RPSA2: variants seen among roughly 807,000 people sequenced by gnomAD.
RPSA2 encodes small ribosomal subunit protein uS2B.
the RPSA2 span, among the ~76,000 whole-genome samples, chr19:23,855,941 C>T: frequency 6.6e-6 from 1 of 152,082 alleles, no homozygotes; most frequent in Non-Finnish European, 1.5e-5. Context: ...TGGTCCTGGG[C>T]TGTCTGTGTC....
the RPSA2 span, chr19:23,808,665 T>G: frequency 2.0e-6 from 1 of 503,792 alleles, no homozygotes; most frequent in Admixed American, 2.3e-5. Context: ...CATTACTAAG[T>G]TGGTAATTGG....
At chr19:23,761,906 T>TCTCTCTCTCTCTCTCTCTCTCTC in the RPSA2 span, among the ~76,000 whole-genome samples, 49 of 92,090 alleles carry the variant, frequency 5.3e-4, 11 homozygotes, top group Admixed American at 9.7e-4. Context: ...ACGTAATTCT[T>TCTCTCTCTCTCTCTCTCTCTCTC]TCTTTCTTTC....
At chr19:23,793,176 C>T in the RPSA2 span, among the ~76,000 whole-genome samples, 1 of 148,696 alleles carries the variant, frequency 6.7e-6, no homozygotes, top group East Asian at 2.0e-4. Flanking sequence ...AAGAAAACAG[C>T]ACCATTTCAG....
At chr19:23,851,046 G>A in the RPSA2 span, among the ~76,000 whole-genome samples, 2 of 152,172 alleles carry the variant, frequency 1.3e-5, no homozygotes, top group Admixed American at 1.3e-4. Context: ...TGATATGGAA[G>A]CCCCATAACT....
the RPSA2 span, among the ~76,000 whole-genome samples, chr19:23,820,504 A>C: frequency 2.0e-5 from 3 of 151,978 alleles, no homozygotes; most frequent in Non-Finnish European, 4.4e-5. Flanking sequence ...TCTTTTCTAG[A>C]GTGTGGAGCA....
At chr19:23,843,413 G>A in the RPSA2 span, among the ~76,000 whole-genome samples, 2 of 152,068 alleles carry the variant, frequency 1.3e-5, no homozygotes, top group Non-Finnish European at 1.5e-5. Context: ...TTTTTCCCTA[G>A]TTCTTATATA....
the RPSA2 span, among the ~76,000 whole-genome samples, chr19:23,822,399 G>A: frequency 1.7e-4 from 26 of 152,310 alleles, no homozygotes; most frequent in South Asian, 2.9e-3. Flanking sequence ...GTTAAACAGC[G>A]TTAGGAGGAG....
the RPSA2 span, among the ~76,000 whole-genome samples, chr19:23,831,296 G>A: frequency 1.3e-5 from 2 of 152,182 alleles, no homozygotes; most frequent in Non-Finnish European, 2.9e-5. Context: ...ATTTACTTCT[G>A]AAGGTACTAC....
At chr19:23,774,200 C>A in the RPSA2 span, among the ~76,000 whole-genome samples, 1,506 of 152,310 alleles carry the variant, frequency 9.9e-3, 26 homozygotes, top group African/African-American at 0.034. Context: ...CTCTGGGCCC[C>A]ACACCCAGGT....
chr19:23,838,239 T>A, the RPSA2 span, among the ~76,000 whole-genome samples: 1 of 152,214 alleles, frequency 6.6e-6, no homozygotes, highest in South Asian at 2.1e-4. Flanking sequence ...ATGTGGTGTA[T>A]CATTTGTTGA....
chr19:23,784,752 G>A, the RPSA2 span, among the ~76,000 whole-genome samples: 1 of 152,194 alleles, frequency 6.6e-6, no homozygotes, highest in Non-Finnish European at 1.5e-5. Context: ...CAAATATGGA[G>A]TCTGTTGATA....
the RPSA2 span, among the ~76,000 whole-genome samples, chr19:23,835,077 A>G: frequency 6.6e-6 from 1 of 152,140 alleles, no homozygotes; most frequent in Non-Finnish European, 1.5e-5. Context: ...TCAATTCTAC[A>G]GTTTAAGTTA....
the RPSA2 span, among the ~76,000 whole-genome samples, chr19:23,766,142 C>CTTTT: frequency 0.033 from 1,410 of 43,258 alleles, 372 homozygotes; most frequent in Non-Finnish European, 0.045. Flanking sequence ...TATTTCATTT[C>CTTTT]CTTTTTTTTT....
chr19:23,836,691 C>A, the RPSA2 span, among the ~76,000 whole-genome samples: 1 of 152,082 alleles, frequency 6.6e-6, no homozygotes, highest in Non-Finnish European at 1.5e-5. Context: ...GTTTTTTGAT[C>A]TTTTGATTAC....
At chr19:23,842,016 C>G in the RPSA2 span, among the ~76,000 whole-genome samples, 32 of 152,184 alleles carry the variant, frequency 2.1e-4, 1 homozygote, top group East Asian at 5.8e-3. Context: ...GGGATAAAAC[C>G]CAGGTTCTAT....
At chr19:23,847,811 C>A in the RPSA2 span, among the ~76,000 whole-genome samples, 1 of 152,106 alleles carries the variant, frequency 6.6e-6, no homozygotes, top group Non-Finnish European at 1.5e-5. Context: ...ATAGACCTCC[C>A]CCCAGGAATG....
At chr19:23,831,914 G>T in the RPSA2 span, 3 of 301,446 alleles carry the variant, frequency 1.0e-5, no homozygotes, top group African/African-American at 4.5e-5. Flanking sequence ...AAATCATTTT[G>T]CATGCTTTCA....
chr19:23,768,838 T>A, the RPSA2 span, among the ~76,000 whole-genome samples: 1 of 151,362 alleles, frequency 6.6e-6, no homozygotes, highest in Non-Finnish European at 1.5e-5. Context: ...TCCGCCCGCC[T>A]CAACCTCTTA....
chr19:23,856,241 C>T, the RPSA2 span, among the ~76,000 whole-genome samples: 62 of 152,156 alleles, frequency 4.1e-4, no homozygotes, highest in Non-Finnish European at 1.3e-4. Flanking sequence ...TCACCCCAAA[C>T]GGTGACAGGA....
Sources: gnomAD v4.1 joint callset for allele counts (sites outside exome capture counted in the v4.1 genomes callset) on GRCh38, gnomAD v4.1.1 for gene constraint, MANE v1.5 for transcripts, NCBI Gene and HGNC (gene_info 2026-07-23, HGNC 2026-07-21) for gene names.